The following MSL2 variants were observed in gnomAD, a reference collection of about 807,000 sequenced individuals.
The protein encoded by MSL2 is MSL complex subunit 2.
A neutral mutation model predicts 35.8 loss-of-function variants in MSL2; 2 were observed. The observed-to-expected ratio is 0.06, with a 90% CI of 0.02 to 0.18. The LOEUF (loss-of-function observed/expected upper bound fraction) is 0.18. MSL2 is among the 10% of genes least tolerant of loss of function. MSL2 has a pLI of 1.00. For synonymous variants in MSL2, 296 were observed against 255.7 expected, an observed-to-expected ratio of 1.16 and a Z score of -1.50; for missense variants, 523 against 706.7, an observed-to-expected ratio of 0.74 and a Z score of 2.95.
rs1559954516 is a variant in MSL2 at position 136,151,654 on chromosome 3, T to C, written c.1227A>G (p.Lys409=). Residue 409 remains lysine (K), a synonymous_variant, in exon 2 of 2, where the codon AAA becomes AAG. Transcript: ENST00000309993. This position sits in a 1 kb window ranked among gnomAD's most constrained non-coding sequence, Gnocchi z 5.2. ...TCTTGGATCCATGTTCATGACTCTT[T>C]TTCATGCTTTTAGTAGATAAAAGTA... ...KTVLLSTKSM[K]KSHEHGSKKS... The C allele has an allele frequency of 6.2e-7, 1 of 1,614,178 alleles. No homozygotes were observed. Among genetic ancestry groups the C allele is most frequent in the South Asian group, 1.1e-5 (1 of 91,086 alleles).
rs975220888 is a variant in MSL2, at chr3:136,151,136, G to C, written c.*11C>G. On this transcript the variant is annotated 3_prime_UTR_variant, in exon 2 of 2. Transcript: ENST00000309993. The surrounding 1 kb of genome is among the most constrained non-coding windows in gnomAD (Gnocchi z 5.2). ...TTCCCTACCAGGAGTAGGTTTAAAA[G>C]ACCCACTGATTTAACAGTCGAATCT... 1 of 1,603,766 alleles carries C rather than the reference G, an allele frequency of 6.2e-7. No individual in the cohort carries two copies. Among genetic ancestry groups the C allele is most frequent in the Non-Finnish European group, 8.5e-7 (1 of 1,171,586 alleles).
At chr3:136,193,091 G>C (rs1435942153) in intron 1 of MSL2, among the ~76,000 whole-genome samples, 1 of 152,126 alleles carries the variant, frequency 6.6e-6, no homozygotes, top group Non-Finnish European at 1.5e-5. Flanking sequence ...AATTCCCCTT[G>C]TGTTGCCAAG....
Position 136,157,553 on chromosome 3 carries a change from A to G in MSL2, c.143-4815T>C, listed in dbSNP as rs558291001. Among the ~76,000 whole-genome samples, 6 of 152,324 alleles carry G rather than the reference A, an allele frequency of 3.9e-5. No individual in the cohort carries two copies. In the South Asian group the frequency reaches 1.2e-3, roughly 32 times the overall value. ...ACAGATTAGGGCAGAAACCAATACA[A>G]GAGAAAGCAGAAAAACCAAAGAGAA... On this transcript the variant is annotated intron_variant, in intron 1 of 1. Transcript: ENST00000309993.
intron 1 of MSL2, among the ~76,000 whole-genome samples, chr3:136,157,577 A>G (rs1232929802): frequency 6.6e-6 from 1 of 152,234 alleles, no homozygotes; most frequent in Non-Finnish European, 1.5e-5. Context: ...AACCAAAGAG[A>G]AAAATAAATA....
intron 1 of MSL2, 102 bp downstream of exon 1, chr3:136,194,870 A>T: frequency 2.6e-6 from 4 of 1,528,344 alleles, no homozygotes; most frequent in Non-Finnish European, 3.6e-6. Flanking sequence ...AAATAACAAA[A>T]GCTTAATACC....
intron 1 of MSL2, among the ~76,000 whole-genome samples, chr3:136,165,736 CATT>C (rs975320680): frequency 6.6e-6 from 1 of 152,068 alleles, no homozygotes. Flanking sequence ...ATCCAGACAT[CATT>C]AATTTTTAAA....
chr3:136,184,118 AC>A (rs1163681330), intron 1 of MSL2, among the ~76,000 whole-genome samples: 1 of 151,144 alleles, frequency 6.6e-6, no homozygotes, highest in African/African-American at 2.4e-5. Flanking sequence ...ACACGGTGAA[AC>A]CCCGTCTCTA....
intron 1 of MSL2, among the ~76,000 whole-genome samples, chr3:136,156,150 A>T (rs1251465435): frequency 6.6e-6 from 1 of 152,206 alleles, no homozygotes; most frequent in Non-Finnish European, 1.5e-5. Flanking sequence ...GGTCTTCTTA[A>T]TATGTTCTTT....
chr3:136,161,538 A>G (rs1248132310), intron 1 of MSL2, among the ~76,000 whole-genome samples: 2 of 152,260 alleles, frequency 1.3e-5, no homozygotes, highest in African/African-American at 4.8e-5. Context: ...TTAAAGGAAT[A>G]AAGTATTGGT....
At chr3:136,185,711 G>T (rs562954053) in intron 1 of MSL2, among the ~76,000 whole-genome samples, 1 of 152,082 alleles carries the variant, frequency 6.6e-6, no homozygotes, top group East Asian at 1.9e-4. Flanking sequence ...TCACCATGTT[G>T]GCCAGGCTGG....
chr3:136,179,249 C>A (rs1403711694), intron 1 of MSL2, among the ~76,000 whole-genome samples: 1 of 152,102 alleles, frequency 6.6e-6, no homozygotes, highest in Non-Finnish European at 1.5e-5. Context: ...TGCAGCAGCA[C>A]CATCATGGTT....
chr3:136,184,830 A>G (rs1940471474), intron 1 of MSL2, among the ~76,000 whole-genome samples: 1 of 151,466 alleles, frequency 6.6e-6, no homozygotes, highest in Non-Finnish European at 1.5e-5. Context: ...GAAAAAAGCC[A>G]ATCTCTCAAA....
At position 136,196,033 on chromosome 3, in the gene MSL2, C is replaced by G. The variant is rs567589352; in HGVS notation, c.-920G>C. 6 of 163,638 alleles carry G rather than the reference C, an allele frequency of 3.7e-5. No individual in the cohort carries two copies. The highest frequency in any genetic ancestry group is 7.7e-5 in the Non-Finnish European group (6 of 78,086). 10.1% of individuals were successfully genotyped at this position (163,638 alleles called of 1,614,324 possible). ...CCGCCGAGCACGACGGCCGCCGCCG[C>G]CCTCAGCACTCCCCGGCCGCGGAAG... On this transcript the variant is annotated 5_prime_UTR_variant, in exon 1 of 2. Transcript: ENST00000309993.
chr3:136,152,879 A>G, intron 1 of MSL2, 141 bp from the exon 2 acceptor site: 1 of 1,437,720 alleles, frequency 7.0e-7, no homozygotes, highest in East Asian at 2.5e-5. Context: ...AATATATCTT[A>G]GAAGAAACGG....
chr3:136,191,247 T>A (rs540469867), intron 1 of MSL2, among the ~76,000 whole-genome samples: 93 of 152,094 alleles, frequency 6.1e-4, no homozygotes, highest in African/African-American at 2.1e-3. Flanking sequence ...GGCGGGCGGA[T>A]CACAAGGTCA....
intron 1 of MSL2, among the ~76,000 whole-genome samples, chr3:136,173,117 C>G (rs1940074716): frequency 6.6e-6 from 1 of 152,200 alleles, no homozygotes; most frequent in African/African-American, 2.4e-5. Context: ...GAGCTGAGAT[C>G]ACGCCACTGC....
chr3:136,188,600 T>C (rs576110684), intron 1 of MSL2, among the ~76,000 whole-genome samples: 3 of 151,898 alleles, frequency 2.0e-5, no homozygotes, highest in East Asian at 1.9e-4. Flanking sequence ...ATATCTGAAA[T>C]TTAGCAGGGC....
At chr3:136,157,715 A>G (rs1035667076) in intron 1 of MSL2, among the ~76,000 whole-genome samples, 1 of 152,212 alleles carries the variant, frequency 6.6e-6, no homozygotes, top group African/African-American at 2.4e-5. Context: ...AGCCCTATGA[A>G]CAACTTTATG....
At position 136,152,927 on chromosome 3, in the gene MSL2, T is replaced by C. The variant is rs567778128; in HGVS notation, c.143-189A>G. Reference sequence around the variant, plus strand: ...TTAGCTCGCTTGATTTCATGCCATATTCCCCATTCAGTTATCTCAAACCAA... The same window carrying C: ...TTAGCTCGCTTGATTTCATGCCATACTCCCCATTCAGTTATCTCAAACCAA... On this transcript the variant is annotated intron_variant, in intron 1 of 1. Coordinates refer to ENST00000309993, the MANE Select transcript of MSL2 (RefSeq NM_018133.4). The C allele has an allele frequency of 1.0e-4, 103 of 985,454 alleles. No individual in the cohort carries two copies. In the African/African-American group the frequency reaches 1.7e-3, roughly 16 times the overall value. The allele number at this position is 985,454 out of a possible 1,614,324, so 61.0% of individuals were successfully genotyped here.
Sources: gnomAD v4.1 joint callset for allele counts (sites outside exome capture counted in the v4.1 genomes callset) on GRCh38, gnomAD v4.1.1 for gene constraint, Gnocchi (gnomAD v3.1) non-coding constraint, MANE v1.5 for transcripts, NCBI Gene and HGNC (gene_info 2026-07-23, HGNC 2026-07-21) for gene names.